The following DUSP16 variants were observed in gnomAD, a reference collection of about 807,000 sequenced individuals.
DUSP16 encodes dual specificity protein phosphatase 16.
DUSP16 carries 21 observed loss-of-function variants against 58.3 expected under a neutral mutation model. The observed-to-expected ratio is 0.36, with a 90% CI of 0.26 to 0.52. The LOEUF is 0.52. DUSP16 is among the 20% of genes least tolerant of loss of function. DUSP16 has a pLI of 0.94. For missense variants in DUSP16, 726 were observed against 819.0 expected (o/e 0.89, Z 1.39); for synonymous variants, 320 against 323.8 (o/e 0.99, Z 0.12).
In DUSP16 at chr12:12,477,467, G is replaced by C; in HGVS notation, c.1364C>G (p.Thr455Ser). Reference sequence around the variant, plus strand: ...CTCCTTATCAGGACTGGTTTCGGGAGTCTGCTCCGATAGTTCCTGAACAGG... The same window carrying C: ...CTCCTTATCAGGACTGGTTTCGGGACTCTGCTCCGATAGTTCCTGAACAGG... ...FSPVQELSEQ[T>S]PETSPDKEEA... Residue 455 changes from threonine to serine, a missense_variant, in exon 7 of 7, where the codon ACT becomes AGT. Thr to Ser is a moderately conservative substitution (Grantham distance 58). Coordinates refer to ENST00000298573, the MANE Select transcript of DUSP16 (RefSeq NM_030640.3). This position sits in a 1 kb window ranked among gnomAD's most constrained non-coding sequence, Gnocchi z 4.1. The C allele has an allele frequency of 2.5e-6, 4 of 1,598,728 alleles. No homozygotes were observed. Among genetic ancestry groups the C allele is most frequent in the Non-Finnish European group, 3.4e-6 (4 of 1,171,746 alleles).
rs1943424602 is a variant in DUSP16, at chr12:12,475,973, G to A, written c.*860C>T. 1 of 152,166 alleles carries A rather than the reference G, an allele frequency of 6.6e-6. No individual in the cohort carries two copies. The highest frequency in any genetic ancestry group is 1.5e-5 in the Non-Finnish European group (1 of 68,026). 9.4% of individuals were successfully genotyped at this position (152,166 alleles called of 1,614,324 possible). On this transcript the variant is annotated 3_prime_UTR_variant, in exon 7 of 7. Coordinates refer to ENST00000298573, the MANE Select transcript of DUSP16 (RefSeq NM_030640.3). ...TCTTTGATTTACAAAGAGGGAGGTA[G>A]ACTCGTTAGCCTCCCAACCTTAGCT...
chr12:12,545,282 T>A (rs1592208457), intron 1 of DUSP16, among the ~76,000 whole-genome samples: 1 of 152,094 alleles, frequency 6.6e-6, no homozygotes, highest in African/African-American at 2.4e-5. Flanking sequence ...TACTTTGAGA[T>A]GGATTCTCGC....
At chr12:12,495,418 G>A (rs990815129) in intron 4 of DUSP16, among the ~76,000 whole-genome samples, 3 of 152,150 alleles carry the variant, frequency 2.0e-5, no homozygotes, top group Non-Finnish European at 2.9e-5. Context: ...ACACAGTTGA[G>A]TAAACTTTCA....
At position 12,476,948 on chromosome 12, in the gene DUSP16, C is replaced by T; in HGVS notation, c.1883G>A (p.Cys628Tyr). ...GATGCTCTCTCCAAATTCCATTTGGCAGCTTCTGCGTTTAAACTGCTTTTC... is the reference window on the plus strand; with the variant it reads ...GATGCTCTCTCCAAATTCCATTTGGTAGCTTCTGCGTTTAAACTGCTTTTC... ...PFEKQFKRRSCQMEFGESIMS... is the reference protein window; with the variant it reads ...PFEKQFKRRSYQMEFGESIMS... The change falls in exon 7 of 7, where the codon TGC (cysteine) becomes TAC (tyrosine). Residue 628 changes from cysteine (C) to tyrosine (Y), a missense_variant. Coordinates refer to ENST00000298573, the MANE Select transcript of DUSP16 (RefSeq NM_030640.3). 1 of 1,614,168 alleles carries T rather than the reference C, an allele frequency of 6.2e-7. No homozygotes were observed. The highest frequency in any genetic ancestry group is 8.5e-7 in the Non-Finnish European group (1 of 1,180,038).
intron 4 of DUSP16, among the ~76,000 whole-genome samples, chr12:12,489,549 A>T (rs1190540873): frequency 1.3e-5 from 2 of 152,214 alleles, no homozygotes; most frequent in Non-Finnish European, 2.9e-5. Context: ...CAGATATGTT[A>T]AATTAAAAGT....
intron 1 of DUSP16, among the ~76,000 whole-genome samples, chr12:12,552,408 T>C (rs563329171): frequency 6.6e-6 from 1 of 152,026 alleles, no homozygotes; most frequent in African/African-American, 2.4e-5. Flanking sequence ...ATCACACCAC[T>C]GCACTCCAGC....
At chr12:12,489,317 T>C (rs115139097) in intron 4 of DUSP16, among the ~76,000 whole-genome samples, 2,010 of 152,298 alleles carry the variant, frequency 0.013, 53 homozygotes, top group African/African-American at 0.045. Context: ...CTTTAAACTT[T>C]TGTACATGTA....
chr12:12,515,981 G>C (rs1944145620), intron 3 of DUSP16, among the ~76,000 whole-genome samples: 1 of 151,640 alleles, frequency 6.6e-6, no homozygotes. Flanking sequence ...TTGCCATGTT[G>C]GCCAGGCTGG....
At chr12:12,498,358 GA>G (rs1445066997) in intron 4 of DUSP16, among the ~76,000 whole-genome samples, 1 of 151,822 alleles carries the variant, frequency 6.6e-6, no homozygotes, top group African/African-American at 2.4e-5. Context: ...TGTCAACAAC[GA>G]ACCTAGAGGT....
At chr12:12,549,944 C>T (rs1944701737) in intron 1 of DUSP16, among the ~76,000 whole-genome samples, 2 of 152,140 alleles carry the variant, frequency 1.3e-5, no homozygotes, top group East Asian at 3.9e-4. Flanking sequence ...AACATAGTCC[C>T]TTCTCCCTGA....
rs752478246 is a variant in DUSP16, at chr12:12,480,252, C to A, written c.786G>T (p.Arg262Ser). ...AAGCTTCATCTAAAGACATGTCCAT[C>A]CTCTTCATGATGTAGGCGATAGCGA... is the stretch of plus-strand genomic sequence containing the variant. ...ATIAIAYIMK[R>S]MDMSLDEAYR... The change falls in exon 6 of 7, where the codon AGG becomes AGT. Residue 262 changes from arginine to serine, a missense_variant. Arg to Ser is a moderately radical substitution (Grantham distance 110). Transcript: ENST00000298573. The A allele has an allele frequency of 3.1e-6, 5 of 1,614,072 alleles. No individual in the cohort carries two copies. In the South Asian group the frequency reaches 5.5e-5, roughly 18 times the overall value.
At chr12:12,555,025 A>C (rs1443846857) in intron 1 of DUSP16, among the ~76,000 whole-genome samples, 1 of 152,232 alleles carries the variant, frequency 6.6e-6, no homozygotes, top group Non-Finnish European at 1.5e-5. Context: ...AACAACAAAA[A>C]CCAAGCAACA....
chr12:12,490,883 T>C (rs1943752115), intron 4 of DUSP16, among the ~76,000 whole-genome samples: 1 of 152,196 alleles, frequency 6.6e-6, no homozygotes, highest in African/African-American at 2.4e-5. Context: ...GCATCCCTCT[T>C]CCTTCACATT....
At chr12:12,489,403 G>A (rs1156847104) in intron 4 of DUSP16, among the ~76,000 whole-genome samples, 1 of 152,232 alleles carries the variant, frequency 6.6e-6, no homozygotes, top group African/African-American at 2.4e-5. Flanking sequence ...ACAACAGGGT[G>A]CAGAAACTGA....
intron 5 of DUSP16, among the ~76,000 whole-genome samples, chr12:12,483,338 G>T (rs909743315): frequency 3.9e-5 from 6 of 151,912 alleles, no homozygotes; most frequent in African/African-American, 1.5e-4. Flanking sequence ...ACTTTACAAG[G>T]TGTTCAATGG....
At chr12:12,551,019 T>C (rs1944716489) in intron 1 of DUSP16, among the ~76,000 whole-genome samples, 2 of 152,122 alleles carry the variant, frequency 1.3e-5, no homozygotes, top group African/African-American at 2.4e-5. Context: ...GAAGCACACA[T>C]AAAGCATTTC....
intron 1 of DUSP16, among the ~76,000 whole-genome samples, chr12:12,539,803 C>A (rs560694766): frequency 9.3e-5 from 14 of 150,528 alleles, no homozygotes; most frequent in African/African-American, 3.4e-4. Flanking sequence ...GCAATCCCAG[C>A]ACTTTGGGAG....
At position 12,481,188 on chromosome 12, in the gene DUSP16, A is replaced by G. The variant is rs111628297; in HGVS notation, c.692-842T>C. Among the ~76,000 whole-genome samples, 440 of 152,324 alleles carry G rather than the reference A, an allele frequency of 2.9e-3. 2 individuals are homozygous for G. Among genetic ancestry groups the G allele is most frequent in the African/African-American group, 0.01 (418 of 41,576 alleles). On this transcript the variant is annotated intron_variant, in intron 5 of 6. Coordinates refer to ENST00000298573, the MANE Select transcript of DUSP16 (RefSeq NM_030640.3). ...ATACCAGGAGTTATTGTCTTATGGCATTATCTCAATTCCCCACAACATGAT... is the reference window on the plus strand; with the variant it reads ...ATACCAGGAGTTATTGTCTTATGGCGTTATCTCAATTCCCCACAACATGAT...
At chr12:12,537,842 A>G (rs1288948407) in intron 1 of DUSP16, among the ~76,000 whole-genome samples, 1 of 152,222 alleles carries the variant, frequency 6.6e-6, no homozygotes, top group Non-Finnish European at 1.5e-5. Context: ...AATAGTGTTC[A>G]TTCTTCTAAT....
Sources: gnomAD v4.1 joint callset for allele counts (sites outside exome capture counted in the v4.1 genomes callset) on GRCh38, gnomAD v4.1.1 for gene constraint, Gnocchi (gnomAD v3.1) non-coding constraint, MANE v1.5 for transcripts, NCBI Gene and HGNC (gene_info 2026-07-23, HGNC 2026-07-21) for gene names.